The following ZC3H18 variants were observed in gnomAD, a reference collection of about 807,000 sequenced individuals.
ZC3H18 encodes zinc finger CCCH-type containing 18.
ZC3H18 carries 8 observed loss-of-function variants against 106.1 expected under a neutral mutation model. The ratio of observed to expected loss-of-function variants is 0.08; its 90% CI spans 0.04 to 0.14. The LOEUF is 0.14. ZC3H18 is among the 10% of genes least tolerant of loss of function. The probability of loss-of-function intolerance (pLI) is 1.00; values close to 1 mark genes in which losing one functional copy is unlikely to be tolerated. For missense variants in ZC3H18, 1,318 were observed against 1,278.4 expected (o/e 1.03, Z -0.47); for synonymous variants, 635 against 522.1 (o/e 1.22, Z -2.95).
At chr16:88,581,307 A>G (rs1279766804) in intron 2 of ZC3H18, among the ~76,000 whole-genome samples, 1 of 152,162 alleles carries the variant, frequency 6.6e-6, no homozygotes, top group Non-Finnish European at 1.5e-5. Flanking sequence ...ATTCTTTTTC[A>G]GAAGCGCTTT....
At chr16:88,593,840 G>C (rs1904312631) in intron 3 of ZC3H18, among the ~76,000 whole-genome samples, 1 of 152,226 alleles carries the variant, frequency 6.6e-6, no homozygotes, top group Non-Finnish European at 1.5e-5. Flanking sequence ...GTGCTCACCA[G>C]CTTCTCAGTG....
intron 8 of ZC3H18, among the ~76,000 whole-genome samples, chr16:88,617,462 A>G (rs950695013): frequency 1.3e-5 from 2 of 152,152 alleles, no homozygotes; most frequent in African/African-American, 4.8e-5. Flanking sequence ...TGTGAAACCT[A>G]ATCTTTATAG....
At chr16:88,580,666 C>G (rs907710959) in intron 2 of ZC3H18, among the ~76,000 whole-genome samples, 2 of 152,280 alleles carry the variant, frequency 1.3e-5, no homozygotes, top group Admixed American at 6.5e-5. Flanking sequence ...CATTCCTGCC[C>G]CGCGCCCTGC....
At position 88,577,551 on chromosome 16, in the gene ZC3H18, A is replaced by G. The variant is rs774433963; in HGVS notation, c.428A>G (p.Gln143Arg). ...EVPEEPAPAVQEDEAEKAGAE... is the reference protein window; with the variant it reads ...EVPEEPAPAVREDEAEKAGAE... ...CCTGAGGAGCCAGCTCCCGCCGTCC[A>G]GGAGGACGAGGCTGAGAAAGCGGGG... Residue 143 changes from glutamine to arginine, a missense_variant, in exon 2 of 18, where the codon CAG becomes CGG. Transcript: ENST00000301011. 1.9e-6 allele frequency: 3 copies of G among 1,613,654 alleles called. No individual in the cohort carries two copies. The highest frequency in any genetic ancestry group is 2.5e-6 in the Non-Finnish European group (3 of 1,179,996).
At chr16:88,623,428 G>T (rs1055843845) in intron 10 of ZC3H18, 84 bp downstream of exon 10, 30 of 1,555,486 alleles carry the variant, frequency 1.9e-5, no homozygotes, top group Middle Eastern at 1.7e-4. Flanking sequence ...TGTGGCGCCA[G>T]TAGCCCCTTG....
intron 1 of ZC3H18, chr16:88,571,554 C>T: frequency 1.1e-6 from 1 of 930,156 alleles, no homozygotes; most frequent in Non-Finnish European, 1.3e-6. Context: ...GTATGGAGCC[C>T]AGCCAGCCCT....
chr16:88,616,103 A>G (rs895246874), intron 8 of ZC3H18, among the ~76,000 whole-genome samples: 8 of 152,192 alleles, frequency 5.3e-5, no homozygotes, highest in Non-Finnish European at 7.4e-5. Context: ...ACCAGGCAGC[A>G]GGTTGCCATC....
At chr16:88,572,186 C>T (rs1464142263) in intron 1 of ZC3H18, among the ~76,000 whole-genome samples, 1 of 152,224 alleles carries the variant, frequency 6.6e-6, no homozygotes, top group Non-Finnish European at 1.5e-5. Context: ...CTTCTTTAGG[C>T]TTGGAAGGTC....
chr16:88,600,343 G>A (rs1050446045), intron 6 of ZC3H18, among the ~76,000 whole-genome samples: 2 of 152,320 alleles, frequency 1.3e-5, no homozygotes, highest in Admixed American at 1.3e-4. Context: ...CAACAGCTGC[G>A]GCCTCTTCGC....
intron 9 of ZC3H18, chr16:88,622,934 G>T: frequency 2.2e-6 from 1 of 463,514 alleles, no homozygotes. Context: ...ACGTGAGCTG[G>T]GTCTGCCCAC....
chr16:88,599,097 C>T (rs2142679811), intron 5 of ZC3H18, among the ~76,000 whole-genome samples: 1 of 152,372 alleles, frequency 6.6e-6, no homozygotes, highest in South Asian at 2.1e-4. Context: ...GGCATACCCA[C>T]TGTCTTCATG....
chr16:88,624,442 A>C, intron 11 of ZC3H18, 160 bp from the exon 12 acceptor site: 2 of 1,186,288 alleles, frequency 1.7e-6, no homozygotes. Context: ...AAGCACTCTG[A>C]CACCGATGGG....
chr16:88,583,921 A>C (rs965169659), intron 2 of ZC3H18, among the ~76,000 whole-genome samples: 5 of 152,058 alleles, frequency 3.3e-5, no homozygotes, highest in Non-Finnish European at 7.4e-5. Context: ...GGCGTGAGGG[A>C]AACCAGGAGA....
intron 2 of ZC3H18, among the ~76,000 whole-genome samples, chr16:88,586,004 T>G (rs1915411649): frequency 1.3e-5 from 2 of 152,044 alleles, no homozygotes; most frequent in Admixed American, 1.3e-4. Context: ...AGTGGGTGGC[T>G]TGGGGAGAGC....
In ZC3H18 at chr16:88,627,763, C is replaced by G; in HGVS notation, c.2250C>G (p.Ala750=). ...SSASSRSPAP[A]QTRKEKGKSK... is the part of the protein sequence containing the mutation. ...CCAGCTCTCGGTCCCCGGCCCCAGC[C>G]CAGACCAGGAAGGAGAAAGGTACTC... The change falls in exon 14 of 18, where the codon GCC becomes GCG. Residue 750 remains alanine (A), a synonymous_variant. Transcript: ENST00000301011. The surrounding 1 kb of genome is among the most constrained non-coding windows in gnomAD (Gnocchi z 4.5). The G allele has an allele frequency of 6.2e-7, 1 of 1,612,254 alleles. No homozygotes were observed. The highest frequency in any genetic ancestry group is 8.5e-7 in the Non-Finnish European group (1 of 1,178,860).
rs1187574306 is a variant in ZC3H18 at position 88,627,879 on chromosome 16, A to G, written c.2270-41A>G. On this transcript the variant is annotated intron_variant, in intron 14 of 17. Coordinates refer to ENST00000301011, the MANE Select transcript of ZC3H18 (RefSeq NM_144604.4). The surrounding 1 kb of genome is among the most constrained non-coding windows in gnomAD (Gnocchi z 4.5). ...CTGGCTGTTGGTGTGGCCATGGGAA[A>G]ATCACCAGTACCCCCATGACTGCGG... 4 of 1,613,406 alleles carry G rather than the reference A, an allele frequency of 2.5e-6. No homozygotes were observed. The highest frequency in any genetic ancestry group is 2.2e-5 in the East Asian group (1 of 44,876).
At chr16:88,597,995 T>C (rs1904530988) in intron 3 of ZC3H18, among the ~76,000 whole-genome samples, 183 bp from the exon 4 acceptor site, 1 of 152,214 alleles carries the variant, frequency 6.6e-6, no homozygotes, top group Non-Finnish European at 1.5e-5. Flanking sequence ...CAGGTGCAGC[T>C]GTCTGGCTCA....
Position 88,577,687 on chromosome 16 carries a change from A to G in ZC3H18, c.564A>G (p.Lys188=). 1 of 1,613,912 alleles carries G rather than the reference A, an allele frequency of 6.2e-7. No homozygotes were observed. Residue 188 remains lysine (K), a synonymous_variant, in exon 2 of 18, where the codon AAA becomes AAG. Transcript: ENST00000301011. ...TGGAGGCTGCCAAGGAGAAAAAGAA[A>G]GAGGACGATGATGGAGAAATCGATG... ...ESLEAAKEKK[K]EDDDGEIDDG... is the part of the protein sequence containing the mutation.
At chr16:88,605,863 G>T (rs1009931407) in intron 6 of ZC3H18, among the ~76,000 whole-genome samples, 1 of 152,252 alleles carries the variant, frequency 6.6e-6, no homozygotes, top group African/African-American at 2.4e-5. Flanking sequence ...TGATGGGCAT[G>T]TCCAATGGTT....
Sources: allele counts gnomAD v4.1 joint callset (sites outside exome capture counted in the v4.1 genomes callset), GRCh38; gene constraint gnomAD v4.1.1; non-coding constraint Gnocchi (gnomAD v3.1); transcripts MANE v1.5; gene names NCBI Gene and HGNC (gene_info 2026-07-23, HGNC 2026-07-21).